Variants in DAB1 observed in about 807,000 individuals in gnomAD.
DAB1 encodes the protein disabled homolog 1.
In DAB1, 15 loss-of-function variants were observed where a neutral mutation model predicts 64.6. The observed-to-expected ratio is 0.23, with a 90% CI of 0.16 to 0.36. The LOEUF (loss-of-function observed/expected upper bound fraction) is 0.36. DAB1 is among the 10% of genes least tolerant of loss of function. The pLI, the probability that DAB1 is intolerant of heterozygous loss-of-function variation, is 1.00. For synonymous variants in DAB1, 235 were observed against 251.9 expected (o/e 0.93, Z 0.64); for missense variants, 596 against 706.7 (o/e 0.84, Z 1.78).
At chr1:57,705,140 T>C (rs1169700005) in intron 6 of DAB1, among the ~76,000 whole-genome samples, 2 of 152,174 alleles carry the variant, frequency 1.3e-5, no homozygotes, top group African/African-American at 4.8e-5. Context: ...GGTTAATGAA[T>C]CTACTGAATA....
At chr1:57,632,083 A>C (rs1645996969) in intron 7 of DAB1, among the ~76,000 whole-genome samples, 1 of 152,220 alleles carries the variant, frequency 6.6e-6, no homozygotes, top group Non-Finnish European at 1.5e-5. Context: ...TATGGGATTT[A>C]GGGAGGCCAG....
chr1:58,386,736 ATACAG>A (rs1644435998), intron 3 of DAB1, among the ~76,000 whole-genome samples: 2 of 152,222 alleles, frequency 1.3e-5, no homozygotes, highest in African/African-American at 2.4e-5. Context: ...GAAGGCTGTC[ATACAG>A]ATCAAAAGGA....
intron 6 of DAB1, among the ~76,000 whole-genome samples, chr1:57,751,120 T>C (rs1358832675): frequency 1.3e-5 from 2 of 151,798 alleles, no homozygotes; most frequent in African/African-American, 4.8e-5. Context: ...AATCCAAAGG[T>C]TGATCAGACC....
chr1:57,982,322 G>A (rs1012997249), intron 5 of DAB1, among the ~76,000 whole-genome samples: 1 of 152,210 alleles, frequency 6.6e-6, no homozygotes, highest in Non-Finnish European at 1.5e-5. Context: ...GAAGTCAACT[G>A]TGTGATTCAC....
chr1:57,947,046 T>C (rs769994493), intron 5 of DAB1, among the ~76,000 whole-genome samples: 5 of 152,174 alleles, frequency 3.3e-5, no homozygotes, highest in Non-Finnish European at 5.9e-5. Flanking sequence ...GCACCTTCCA[T>C]GTGTCAAGTG....
intron 6 of DAB1, among the ~76,000 whole-genome samples, chr1:57,695,296 GA>G (rs1557427635): frequency 0.041 from 2,284 of 55,792 alleles, 273 homozygotes; most frequent in African/African-American, 0.15. Context: ...AAGGGAGAGA[GA>G]AGGAAAGAAA....
At chr1:58,121,803 A>G (rs529211375) in intron 5 of DAB1, among the ~76,000 whole-genome samples, 1 of 152,330 alleles carries the variant, frequency 6.6e-6, no homozygotes, top group South Asian at 2.1e-4. Flanking sequence ...GCATACATAT[A>G]TATATATTTC....
chr1:57,477,820 T>C (rs2101226830), intron 7 of DAB1, among the ~76,000 whole-genome samples: 1 of 152,334 alleles, frequency 6.6e-6, no homozygotes, highest in African/African-American at 2.4e-5. Flanking sequence ...TGTGAATAAC[T>C]GCTAGATTCT....
intron 4 of DAB1, among the ~76,000 whole-genome samples, chr1:58,277,196 C>T (rs1385178126): frequency 6.6e-6 from 1 of 151,898 alleles, no homozygotes; most frequent in Non-Finnish European, 1.5e-5. Flanking sequence ...TGCGCCACCA[C>T]ACCCAGCTAA....
intron 6 of DAB1, among the ~76,000 whole-genome samples, chr1:57,707,123 T>C (rs1244844652): frequency 2.6e-5 from 4 of 151,972 alleles, no homozygotes; most frequent in Non-Finnish European, 5.9e-5. Flanking sequence ...AGATATATTC[T>C]ATCACTACAA....
At chr1:57,407,632 T>C (rs1390754386) in intron 1 of DAB1, among the ~76,000 whole-genome samples, 3 of 151,942 alleles carry the variant, frequency 2.0e-5, no homozygotes, top group Non-Finnish European at 4.4e-5. Flanking sequence ...GCCCAGAGAG[T>C]GAAGAGTCTT....
At chr1:57,977,903 C>T (rs1487831212) in intron 5 of DAB1, among the ~76,000 whole-genome samples, 7 of 152,118 alleles carry the variant, frequency 4.6e-5, no homozygotes, top group African/African-American at 7.2e-5. Flanking sequence ...CACTGCTCAA[C>T]GAAATAAGAG....
chr1:58,187,309 AG>A (rs1657132716), intron 4 of DAB1, among the ~76,000 whole-genome samples: 1 of 151,106 alleles, frequency 6.6e-6, no homozygotes, highest in Non-Finnish European at 1.5e-5. Flanking sequence ...AAAAAAAAAA[AG>A]TAAAAATAAA....
intron 4 of DAB1, among the ~76,000 whole-genome samples, chr1:58,206,142 G>A (rs145395053): frequency 2.7e-3 from 413 of 152,250 alleles, no homozygotes; most frequent in Non-Finnish European, 4.0e-3. Context: ...GTCGAGGCAC[G>A]GCTTGGTTTT....
chr1:57,081,381 G>A (rs1444355974), intron 4 of DAB1, among the ~76,000 whole-genome samples: 3 of 152,092 alleles, frequency 2.0e-5, no homozygotes, highest in Non-Finnish European at 4.4e-5. Context: ...CCTCAGATGA[G>A]GACTTCCTTG....
intron 5 of DAB1, among the ~76,000 whole-genome samples, chr1:58,129,791 G>A (rs958842754): frequency 6.6e-6 from 1 of 152,034 alleles, no homozygotes; most frequent in African/African-American, 2.4e-5. Context: ...TTAATCCTGA[G>A]TTCTGTTTGA....
intron 5 of DAB1, chr1:58,048,727 A>G (rs182754451): frequency 6.2e-5 from 81 of 1,312,022 alleles, no homozygotes; most frequent in African/African-American, 3.2e-4. Context: ...GCTGGATGAA[A>G]CACTAGCCAT....
chr1:57,705,797 G>A (rs1646959331), intron 6 of DAB1, among the ~76,000 whole-genome samples: 1 of 151,306 alleles, frequency 6.6e-6, no homozygotes, highest in South Asian at 2.1e-4. Flanking sequence ...TGACACTGCT[G>A]CATCCCATTT....
At chr1:58,207,514 G>C (rs1658341674) in intron 4 of DAB1, among the ~76,000 whole-genome samples, 1 of 152,192 alleles carries the variant, frequency 6.6e-6, no homozygotes, top group Admixed American at 6.5e-5. Flanking sequence ...ATACAGCCTA[G>C]AAGTCAGAGT....
Sources: allele counts gnomAD v4.1 joint callset (sites outside exome capture counted in the v4.1 genomes callset), GRCh38; gene constraint gnomAD v4.1.1; transcripts MANE v1.5; gene names NCBI Gene and HGNC (gene_info 2026-07-23, HGNC 2026-07-21).